The following SEPTIN9 variants were observed in gnomAD, a reference collection of about 807,000 sequenced individuals.
SEPTIN9 encodes septin-9.
Under a neutral mutation model 56.6 loss-of-function variants are expected in SEPTIN9, and 13 were observed. The ratio of observed to expected loss-of-function variants is 0.23; its 90% confidence interval spans 0.15 to 0.37. The LOEUF (loss-of-function observed/expected upper bound fraction) is 0.37. SEPTIN9 is among the 10% of genes least tolerant of loss of function. The probability of loss-of-function intolerance (pLI) is 1.00; values close to 1 mark genes in which losing one functional copy is unlikely to be tolerated. For synonymous variants in SEPTIN9, 332 were observed against 334.1 expected (o/e 0.99, Z 0.07); for missense variants, 650 against 823.1 (o/e 0.79, Z 2.57).
intron 2 of SEPTIN9, among the ~76,000 whole-genome samples, chr17:77,332,087 G>A (rs2033387895): frequency 6.6e-6 from 1 of 152,038 alleles, no homozygotes; most frequent in Non-Finnish European, 1.5e-5. Context: ...ACCAGCCCGG[G>A]CAATATAGTG....
At chr17:77,484,269 G>GGTGGTGATAGTGGTGGGATGGTA (rs1378391428) in intron 4 of SEPTIN9, 2 of 152,288 alleles carry the variant, frequency 1.3e-5, no homozygotes, top group Non-Finnish European at 1.5e-5. Flanking sequence ...TGGTGATGGT[G>GGTGGTGATAGTGGTGGGATGGTA]GTGGTGATAG....
rs577867410 is a variant in SEPTIN9 at position 77,305,843 on chromosome 17, C to A, written c.20-1298C>A. Among the ~76,000 whole-genome samples the A allele has an allele frequency of 1.2e-4, 17 of 138,458 alleles. 1 individual carries two copies. The South Asian group carries it at 3.8e-3, about 31-fold the overall frequency. 90.8% of individuals were successfully genotyped at this position (138,458 alleles called of 152,430 possible). A position where few individuals can be genotyped will look rare whatever the true frequency, so the allele number is the denominator to read the frequency against. On this transcript the variant is annotated intron_variant, in intron 1 of 11. Transcript: ENST00000427177. ...GAAACAAGCTGGCTGCACCCATTTC[C>A]ATCTGGTCACAGTTTAGGAGTGGGG...
intron 3 of SEPTIN9, chr17:77,441,967 C>G (rs918569150): frequency 6.6e-6 from 1 of 152,092 alleles, no homozygotes; most frequent in Non-Finnish European, 1.5e-5. Flanking sequence ...TTTCCTCTAC[C>G]CTCTTAGGTT....
At position 77,319,508 on chromosome 17, in the gene SEPTIN9, C is replaced by T. The variant is rs3809703; in HGVS notation, c.76+12311C>T. ...TTCGCCCTCTCTGCCTGGGCGGGGA[C>T]GGCAACTGCCTCTGTCACTGCAGAC... is the stretch of plus-strand genomic sequence containing the variant. On this transcript the variant is annotated intron_variant, in intron 2 of 11. Coordinates refer to ENST00000427177, the MANE Select transcript of SEPTIN9 (RefSeq NM_001113491.2). This position sits in a 1 kb window ranked among gnomAD's most constrained non-coding sequence, Gnocchi z 5.3. 5.0e-4 allele frequency: 522 copies of T among 1,036,256 alleles called. 7 individuals are homozygous for T. In the East Asian group the frequency reaches 0.02, roughly 40 times the overall value. The allele number at this position is 1,036,256 out of a possible 1,614,324, so 64.2% of individuals were successfully genotyped here.
rs1004171127 is a variant in SEPTIN9 at position 77,400,537 on chromosome 17, G to C, written c.77-1522G>C. The C allele has an allele frequency of 6.6e-6, 1 of 152,204 alleles. No homozygotes were observed. Among genetic ancestry groups the C allele is most frequent in the Admixed American group, 6.5e-5 (1 of 15,276 alleles). The allele number at this position is 152,204 out of a possible 1,614,324, so 9.4% of individuals were successfully genotyped here. ...CTGAGGCGGCCAGGGTTAGGGGGTT[G>C]GGCTTCCTCTTCCCCTCCCCAGTGC... On this transcript the variant is annotated intron_variant, in intron 2 of 11. Transcript: ENST00000427177. The surrounding 1 kb of genome is among the most constrained non-coding windows in gnomAD (Gnocchi z 4.1).
At chr17:77,289,667 C>CA (rs1491093463) in intron 1 of SEPTIN9, among the ~76,000 whole-genome samples, 1 of 152,200 alleles carries the variant, frequency 6.6e-6, no homozygotes, top group Non-Finnish European at 1.5e-5. Flanking sequence ...CTTGGCCTCC[C>CA]AAAGTGCTGG....
chr17:77,306,700 C>G (rs1229467163), intron 1 of SEPTIN9, among the ~76,000 whole-genome samples: 1 of 152,020 alleles, frequency 6.6e-6, no homozygotes, highest in Non-Finnish European at 1.5e-5. Flanking sequence ...GTAGGGAAAC[C>G]CTGATTCATA....
At chr17:77,394,228 A>G (rs1240261199) in intron 2 of SEPTIN9, among the ~76,000 whole-genome samples, 2 of 152,198 alleles carry the variant, frequency 1.3e-5, no homozygotes, top group Admixed American at 6.5e-5. Flanking sequence ...GCCAAGGTCC[A>G]GTGTCACAGG....
rs76369341 is a variant in SEPTIN9, at chr17:77,388,725, G to A, written c.77-13334G>A. ...CATATTGGCTCGGGCAGAGGCCATC[G>A]GCTGCCCGCCTTGGGGCCACAACAC... On this transcript the variant is annotated intron_variant, in intron 2 of 11. Coordinates refer to ENST00000427177, the MANE Select transcript of SEPTIN9 (RefSeq NM_001113491.2). 1.3e-3 allele frequency among the ~76,000 whole-genome samples: 194 copies of A among 151,848 alleles called. 3 individuals carry two copies. The East Asian group carries it at 0.033, about 26-fold the overall frequency.
At position 77,451,461 on chromosome 17, in the gene SEPTIN9, C is replaced by T; in HGVS notation, c.722-30683C>T. On this transcript the variant is annotated intron_variant, in intron 3 of 11. Transcript: ENST00000427177. This position sits in a 1 kb window ranked among gnomAD's most constrained non-coding sequence, Gnocchi z 4.2. ...CTTTGATCCTCTGCTCGGCTCTGAGCCATGTGACCCGGTGGGCGGGCCGCG... is the reference window on the plus strand; with the variant it reads ...CTTTGATCCTCTGCTCGGCTCTGAGTCATGTGACCCGGTGGGCGGGCCGCG... 1.0e-6 allele frequency: 1 copy of T among 985,918 alleles called. No homozygotes were observed. Among genetic ancestry groups the T allele is most frequent in the Non-Finnish European group, 1.2e-6 (1 of 830,302 alleles). 61.1% of individuals were successfully genotyped at this position (985,918 alleles called of 1,614,324 possible).
chr17:77,426,353 A>G (rs1176100939), intron 3 of SEPTIN9, among the ~76,000 whole-genome samples: 1 of 151,840 alleles, frequency 6.6e-6, no homozygotes, highest in Non-Finnish European at 1.5e-5. Flanking sequence ...GAGCCCCCGG[A>G]GGCATGCAGT....
chr17:77,419,336 A>G (rs1394825157), intron 3 of SEPTIN9, among the ~76,000 whole-genome samples: 1 of 148,034 alleles, frequency 6.8e-6, no homozygotes, highest in Non-Finnish European at 1.5e-5. Flanking sequence ...CAGCTGGAGG[A>G]GGAGTAACAG....
intron 3 of SEPTIN9, among the ~76,000 whole-genome samples, chr17:77,438,949 G>T (rs1450565953): frequency 6.6e-6 from 1 of 152,198 alleles, no homozygotes; most frequent in Non-Finnish European, 1.5e-5. Context: ...AGAAAACCCC[G>T]TAGCAAATCC....
At position 77,318,874 on chromosome 17, in the gene SEPTIN9, A is replaced by T. The variant is rs1291835145; in HGVS notation, c.76+11677A>T. Among the ~76,000 whole-genome samples the T allele has an allele frequency of 6.6e-6, 1 of 152,126 alleles. No homozygotes were observed. The highest frequency in any genetic ancestry group is 1.5e-5 in the Non-Finnish European group (1 of 68,010). On this transcript the variant is annotated intron_variant, in intron 2 of 11. Transcript: ENST00000427177. The surrounding 1 kb of genome is among the most constrained non-coding windows in gnomAD (Gnocchi z 4.9). ...TGTGGGGCAGGGATTGTAAACTCAG[A>T]GGCCTGCGGGGTGTGTCGAGGTAGA...
intron 4 of SEPTIN9, among the ~76,000 whole-genome samples, chr17:77,485,145 T>TGGGTGGTGGTG (rs1331307853): frequency 3.7e-5 from 4 of 108,196 alleles, no homozygotes; most frequent in East Asian, 1.1e-3. Flanking sequence ...TGGTGGTGAT[T>TGGGTGGTGGTG]GTGATGGGGG....
chr17:77,485,182 A>G (rs1474022946), intron 4 of SEPTIN9, among the ~76,000 whole-genome samples: 7 of 80,156 alleles, frequency 8.7e-5, no homozygotes, highest in South Asian at 4.6e-4. Context: ...GGTGATGGTG[A>G]TTGTGGTGGT....
intron 2 of SEPTIN9, among the ~76,000 whole-genome samples, chr17:77,324,087 C>A (rs571133520): frequency 6.6e-6 from 1 of 152,218 alleles, no homozygotes; most frequent in African/African-American, 2.4e-5. Context: ...TTCCTTGGCT[C>A]GTGGCCACAC....
At position 77,492,890 on chromosome 17, in the gene SEPTIN9, C is replaced by T; in HGVS notation, c.1477-90C>T. On this transcript the variant is annotated intron_variant, in intron 9 of 11. Coordinates refer to ENST00000427177, the MANE Select transcript of SEPTIN9 (RefSeq NM_001113491.2). This position sits in a 1 kb window ranked among gnomAD's most constrained non-coding sequence, Gnocchi z 5.4. ...GCTGAGGCTCTCGTTTTTGGGGGAC[C>T]CCAGGCTCAGGGCAGCTCCTCCCGG... 1.5e-6 allele frequency: 2 copies of T among 1,344,348 alleles called. No individual in the cohort carries two copies. Among genetic ancestry groups the T allele is most frequent in the Non-Finnish European group, 2.1e-6 (2 of 953,740 alleles). The allele number at this position is 1,344,348 out of a possible 1,614,324, so 83.3% of individuals were successfully genotyped here.
chr17:77,354,493 A>G (rs1310483662), intron 2 of SEPTIN9, among the ~76,000 whole-genome samples: 1 of 152,048 alleles, frequency 6.6e-6, no homozygotes, highest in Non-Finnish European at 1.5e-5. Context: ...ATTTCCCCAA[A>G]TGCTCCTGCC....
Sources: allele counts gnomAD v4.1 joint callset (sites outside exome capture counted in the v4.1 genomes callset), GRCh38; gene constraint gnomAD v4.1.1; non-coding constraint Gnocchi (gnomAD v3.1); transcripts MANE v1.5; gene names NCBI Gene and HGNC (gene_info 2026-07-23, HGNC 2026-07-21).